The following TGFBR3 variants were observed in gnomAD, a reference collection of about 807,000 sequenced individuals.
The protein encoded by TGFBR3 is transforming growth factor beta receptor type 3.
In TGFBR3, 46 loss-of-function variants were observed where a neutral mutation model predicts 87.9. That is an observed-to-expected ratio of 0.52 (90% CI 0.41 to 0.67). The LOEUF (loss-of-function observed/expected upper bound fraction) is 0.67. TGFBR3 is among the 30% of genes least tolerant of loss of function. The pLI is 0.00. For missense variants in TGFBR3, 866 were observed against 1,041.9 expected, an observed-to-expected ratio of 0.83 and a Z score of 2.32; for synonymous variants, 381 against 391.6, an observed-to-expected ratio of 0.97 and a Z score of 0.32.
intron 2 of TGFBR3, among the ~76,000 whole-genome samples, chr1:91,824,028 G>GCCAGGTCA: frequency 6.6e-6 from 1 of 152,278 alleles, no homozygotes; most frequent in South Asian, 2.1e-4. Context: ...GACTCAGAAG[G>GCCAGGTCA]CTGAGGTAGG....
intron 3 of TGFBR3, among the ~76,000 whole-genome samples, chr1:91,781,027 A>G (rs1208014175): frequency 6.6e-6 from 1 of 150,870 alleles, no homozygotes; most frequent in African/African-American, 2.5e-5. Context: ...CACAAGGCAC[A>G]CAACAAGGAG....
chr1:91,737,327 T>C (rs1400955479), intron 4 of TGFBR3, among the ~76,000 whole-genome samples: 1 of 152,118 alleles, frequency 6.6e-6, no homozygotes, highest in African/African-American at 2.4e-5. Context: ...AGGCTACAGC[T>C]GAGTTTTAGA....
intron 16 of TGFBR3, 122 bp downstream of exon 16, chr1:91,695,550 G>A (rs1448183067): frequency 1.2e-6 from 1 of 867,434 alleles, no homozygotes; most frequent in African/African-American, 1.7e-5. Flanking sequence ...ATATGTAAAT[G>A]TAAAAATAGT....
At chr1:91,873,254 A>G (rs1433702288) in intron 1 of TGFBR3, among the ~76,000 whole-genome samples, 1 of 149,732 alleles carries the variant, frequency 6.7e-6, no homozygotes, top group Non-Finnish European at 1.5e-5. Flanking sequence ...TATAGGGGTA[A>G]GCCATCACAC....
At chr1:91,796,358 G>T (rs1410027038) in intron 3 of TGFBR3, among the ~76,000 whole-genome samples, 1 of 152,218 alleles carries the variant, frequency 6.6e-6, no homozygotes, top group Non-Finnish European at 1.5e-5. Context: ...GAGTATAATT[G>T]TAGGATTCAT....
chr1:91,689,124 G>A (rs945037181), intron 16 of TGFBR3, among the ~76,000 whole-genome samples: 2 of 152,102 alleles, frequency 1.3e-5, no homozygotes, highest in African/African-American at 4.8e-5. Flanking sequence ...AGCACCTCCC[G>A]GAGCATCTGG....
rs1159222597 is a variant in TGFBR3 at position 91,681,845 on chromosome 1, A to G, written c.*1894T>C. The G allele has an allele frequency of 2.6e-5, 12 of 453,448 alleles. No individual in the cohort carries two copies. The highest frequency in any genetic ancestry group is 2.1e-4 in the East Asian group (3 of 14,404). The allele number at this position is 453,448 out of a possible 1,614,324, so 28.1% of individuals were successfully genotyped here. On this transcript the variant is annotated 3_prime_UTR_variant, in exon 17 of 17. Coordinates refer to ENST00000212355, the MANE Select transcript of TGFBR3 (RefSeq NM_003243.5). The stretch of plus-strand genomic sequence containing the variant: ...TCCACCGAAGGTTAGGCAAAGCGCA[A>G]TATTTTCAAACACAGGTAGCGTAAT...
chr1:91,780,884 TACACACACACACACACACACACAC>T (rs56862200), intron 3 of TGFBR3, among the ~76,000 whole-genome samples: 9 of 132,580 alleles, frequency 6.8e-5, no homozygotes, highest in Non-Finnish European at 1.3e-4. Flanking sequence ...ACTAGAGAAC[TACACACACACACACACACACACAC>T]ACACACACAC....
rs961279435 is a variant in TGFBR3 at position 91,682,526 on chromosome 1, T to A, written c.*1213A>T. The A allele has an allele frequency of 2.2e-6, 1 of 453,206 alleles. No individual in the cohort carries two copies. Among genetic ancestry groups the A allele is most frequent in the African/African-American group, 2.0e-5 (1 of 49,704 alleles). The allele number at this position is 453,206 out of a possible 1,614,324, so 28.1% of individuals were successfully genotyped here. A position where few individuals can be genotyped will look rare whatever the true frequency, so the allele number is the denominator to read the frequency against. On this transcript the variant is annotated 3_prime_UTR_variant, in exon 17 of 17. Coordinates refer to ENST00000212355, the MANE Select transcript of TGFBR3 (RefSeq NM_003243.5). ...AGCCCTTTTTGACATATTAAATATA[T>A]GGGATATATTTAAGGCAAGAGAAGT...
chr1:91,874,157 C>A (rs1289252669), intron 1 of TGFBR3, among the ~76,000 whole-genome samples: 1 of 152,012 alleles, frequency 6.6e-6, no homozygotes, highest in Non-Finnish European at 1.5e-5. Context: ...GAGACCAATG[C>A]TAAGAAAACA....
chr1:91,757,827 TAA>T (rs1432014739), intron 4 of TGFBR3, among the ~76,000 whole-genome samples: 1 of 152,180 alleles, frequency 6.6e-6, no homozygotes, highest in Non-Finnish European at 1.5e-5. Flanking sequence ...GGAAAACTAT[TAA>T]CTGGGGACTC....
intron 6 of TGFBR3, among the ~76,000 whole-genome samples, chr1:91,728,453 G>A (rs1226751785): frequency 6.6e-6 from 1 of 152,088 alleles, no homozygotes; most frequent in Non-Finnish European, 1.5e-5. Flanking sequence ...AGTGATTACT[G>A]GAAAATTGAT....
upstream of TGFBR3, among the ~76,000 whole-genome samples, chr1:91,888,669 T>C (rs1185122125): frequency 6.6e-6 from 1 of 152,084 alleles, no homozygotes; most frequent in African/African-American, 2.4e-5. Context: ...GCCATTGCAC[T>C]CTAGCCTGGA....
chr1:91,812,456 C>G (rs1306260325), intron 2 of TGFBR3, among the ~76,000 whole-genome samples: 1 of 152,148 alleles, frequency 6.6e-6, no homozygotes, highest in African/African-American at 2.4e-5. Flanking sequence ...TTCTTCTTGG[C>G]CATCTTAAAT....
chr1:91,845,729 CAGCATCTTCCAACTGCAGT>C (rs1677443086), intron 2 of TGFBR3, among the ~76,000 whole-genome samples: 1 of 152,130 alleles, frequency 6.6e-6, no homozygotes, highest in South Asian at 2.1e-4. Flanking sequence ...TTTTTTTAAA[CAGCATCTTCCAACTGCAGT>C]AGCAGTTGGA....
intron 2 of TGFBR3, among the ~76,000 whole-genome samples, chr1:91,813,211 T>C (rs1297040020): frequency 6.6e-6 from 1 of 152,138 alleles, no homozygotes; most frequent in Non-Finnish European, 1.5e-5. Context: ...AGTGACAATA[T>C]TAGGGACACT....
intron 3 of TGFBR3, among the ~76,000 whole-genome samples, chr1:91,776,013 A>G (rs1391920548): frequency 1.3e-5 from 2 of 152,242 alleles, no homozygotes; most frequent in African/African-American, 4.8e-5. Context: ...GATGTTAATA[A>G]CAGGGTGCCC....
intron 12 of TGFBR3, among the ~76,000 whole-genome samples, chr1:91,715,053 T>G (rs1488306241): frequency 6.6e-6 from 1 of 152,178 alleles, no homozygotes. Flanking sequence ...TTTGACCCTT[T>G]AAGCTTCTCA....
chr1:91,893,612 A>G (rs1679490833), intron 2 of TGFBR3, among the ~76,000 whole-genome samples: 1 of 152,094 alleles, frequency 6.6e-6, no homozygotes, highest in Non-Finnish European at 1.5e-5. Flanking sequence ...AGATTCAGGA[A>G]TGAGTTAAAT....
Sources: gnomAD v4.1 joint callset for allele counts (sites outside exome capture counted in the v4.1 genomes callset) on GRCh38, gnomAD v4.1.1 for gene constraint, MANE v1.5 for transcripts, NCBI Gene and HGNC (gene_info 2026-07-23, HGNC 2026-07-21) for gene names.